MPDZ: variants seen among roughly 807,000 people sequenced by gnomAD.
MPDZ encodes the protein multiple PDZ domain crumbs cell polarity complex component.
A neutral mutation model predicts 239.1 loss-of-function variants in MPDZ; 234 were observed. The observed-to-expected ratio is 0.98, with a 90% CI of 0.88 to 1.09. The LOEUF (loss-of-function observed/expected upper bound fraction) is 1.09. MPDZ is among the 50% of genes least tolerant of loss of function. MPDZ has a pLI of 0.00. For synonymous variants in MPDZ, 1,048 were observed against 881.3 expected (o/e 1.19, Z -3.35); for missense variants, 3,175 against 2,510.0 (o/e 1.26, Z -5.66).
At chr9:13,273,281 T>C (rs1184508725) in intron 1 of MPDZ, among the ~76,000 whole-genome samples, 1 of 152,194 alleles carries the variant, frequency 6.6e-6, no homozygotes, top group Non-Finnish European at 1.5e-5. Context: ...GGACATATCT[T>C]AAATATATCG....
intron 3 of MPDZ, among the ~76,000 whole-genome samples, chr9:13,239,048 C>T (rs1014923139): frequency 1.3e-5 from 2 of 152,110 alleles, no homozygotes; most frequent in Non-Finnish European, 2.9e-5. Flanking sequence ...TTTATGACTA[C>T]AAACTGATCA....
Position 13,221,487 on chromosome 9 carries a change from T to C in MPDZ, c.761A>G (p.His254Arg), listed in dbSNP as rs769381142. Reference sequence around the variant, plus strand: ...ATTCACCAATTCAATCGTTTCCATGTGTTGCCAGTGAACCTACAAACAAAG... The same window carrying C: ...ATTCACCAATTCAATCGTTTCCATGCGTTGCCAGTGAACCTACAAACAAAG... ...SAHSNPVHWQ[H>R]METIELVNDG... The change falls in exon 7 of 47, where the codon CAC becomes CGC. Residue 254 changes from histidine (H) to arginine (R), a missense_variant. By Grantham distance (29) the His-to-Arg change is conservative. Transcript: ENST00000319217. The C allele has an allele frequency of 2.5e-6, 4 of 1,610,560 alleles. No individual in the cohort carries two copies. The South Asian group carries it at 4.4e-5, about 18-fold the overall frequency.
chr9:13,267,029 T>C lies in MPDZ; in HGVS notation c.-58+12371A>G, dbSNP rs552580836. ...TCCAAGAGGCAAAACTTTCCAAATATATATTCATCACTGGAATGTCTAAAA... is the reference window on the plus strand; with the variant it reads ...TCCAAGAGGCAAAACTTTCCAAATACATATTCATCACTGGAATGTCTAAAA... On this transcript the variant is annotated intron_variant, in intron 1 of 46. Transcript: ENST00000319217. Among the ~76,000 whole-genome samples, 3 of 152,344 alleles carry C rather than the reference T, an allele frequency of 2.0e-5. No individual in the cohort carries two copies. In the South Asian group the frequency reaches 6.2e-4, roughly 32 times the overall value.
chr9:13,219,270 T>C (rs1280720545), intron 8 of MPDZ, among the ~76,000 whole-genome samples: 3 of 151,988 alleles, frequency 2.0e-5, no homozygotes, highest in East Asian at 1.9e-4. Flanking sequence ...TACCAAATAA[T>C]TTTTAAACTT....
At chr9:13,144,437 G>A (rs993641059) in intron 26 of MPDZ, among the ~76,000 whole-genome samples, 1 of 151,862 alleles carries the variant, frequency 6.6e-6, no homozygotes, top group Non-Finnish European at 1.5e-5. Context: ...AATTTCCTTA[G>A]CACAATAAAT....
intron 3 of MPDZ, among the ~76,000 whole-genome samples, chr9:13,231,391 A>G (rs1225757221): frequency 6.6e-6 from 1 of 151,604 alleles, no homozygotes; most frequent in Non-Finnish European, 1.5e-5. Context: ...CATGGCAAAA[A>G]CCCATCTCTA....
At position 13,136,134 on chromosome 9, in the gene MPDZ, T is replaced by C. The variant is rs61753784; in HGVS notation, c.4341A>G (p.Val1447=). Residue 1447 remains valine, a synonymous_variant, in exon 31 of 47, where the codon GTA becomes GTG. Transcript: ENST00000319217. ...NQMAVCPGNA[V]EPLPSNSENL... ...TTTCTGAGTTAGAAGGCAAAGGTTC[T>C]ACTGCATTTCCAGGACATACGGCCA... 10,070 of 1,613,018 alleles carry C rather than the reference T, an allele frequency of 6.2e-3. 528 individuals carry two copies. In the African/African-American group the frequency reaches 0.11, roughly 18 times the overall value.
intron 18 of MPDZ, among the ~76,000 whole-genome samples, chr9:13,184,181 G>C (rs1953764758): frequency 6.6e-6 from 1 of 151,996 alleles, no homozygotes; most frequent in Non-Finnish European, 1.5e-5. Flanking sequence ...TTATAAACTT[G>C]TAAGAAAACT....
chr9:13,159,543 A>T (rs1251231949), intron 23 of MPDZ, among the ~76,000 whole-genome samples: 1 of 152,182 alleles, frequency 6.6e-6, no homozygotes, highest in Non-Finnish European at 1.5e-5. Flanking sequence ...ACAACAGGAC[A>T]GAGTATGACG....
intron 22 of MPDZ, among the ~76,000 whole-genome samples, chr9:13,163,375 C>T (rs1424477512): frequency 6.6e-6 from 1 of 152,108 alleles, no homozygotes; most frequent in Non-Finnish European, 1.5e-5. Context: ...AAGACTCTTA[C>T]TAATTTGAAG....
chr9:13,220,301 C>T (rs539343429), intron 7 of MPDZ, among the ~76,000 whole-genome samples: 2 of 152,062 alleles, frequency 1.3e-5, no homozygotes, highest in African/African-American at 4.8e-5. Context: ...GAAAAGCAGT[C>T]TTATGAGCCT....
chr9:13,192,945 C>G (rs1955141772), intron 14 of MPDZ, among the ~76,000 whole-genome samples: 1 of 152,066 alleles, frequency 6.6e-6, no homozygotes, highest in Non-Finnish European at 1.5e-5. Flanking sequence ...TTATAGTTTT[C>G]TGAACCTAAA....
At chr9:13,155,133 G>C (rs887155926) in intron 24 of MPDZ, among the ~76,000 whole-genome samples, 2 of 151,918 alleles carry the variant, frequency 1.3e-5, no homozygotes, top group Admixed American at 6.6e-5. Context: ...AGGAGAATTC[G>C]CTCTAACCTG....
chr9:13,109,335 G>A (rs971451539), intron 45 of MPDZ, among the ~76,000 whole-genome samples: 59 of 151,986 alleles, frequency 3.9e-4, no homozygotes, highest in African/African-American at 1.4e-3. Context: ...TGTTCTCATT[G>A]TACAGAGAAG....
chr9:13,256,617 G>GC (rs1057247788), intron 1 of MPDZ, among the ~76,000 whole-genome samples: 4 of 152,144 alleles, frequency 2.6e-5, no homozygotes, highest in African/African-American at 9.7e-5. Flanking sequence ...AATGCGAACG[G>GC]CCCGTTGATG....
intron 1 of MPDZ, among the ~76,000 whole-genome samples, chr9:13,252,524 C>T (rs534893276): frequency 1.4e-5 from 2 of 147,960 alleles, no homozygotes; most frequent in Non-Finnish European, 3.0e-5. Flanking sequence ...CAAGATCGCG[C>T]CACAGCATTC....
chr9:13,187,752 A>G (rs368190105), intron 17 of MPDZ, among the ~76,000 whole-genome samples: 1 of 2,476 alleles, frequency 4.0e-4, no homozygotes, highest in Non-Finnish European at 1.1e-3. Flanking sequence ...ATGTGTTTGC[A>G]TTTTCTTAAG....
intron 12 of MPDZ, among the ~76,000 whole-genome samples, chr9:13,200,867 G>GA (rs1354779320): frequency 6.6e-6 from 1 of 151,786 alleles, no homozygotes; most frequent in Non-Finnish European, 1.5e-5. Context: ...ATATGTTGTT[G>GA]AAAAAAATGT....
intron 12 of MPDZ, among the ~76,000 whole-genome samples, chr9:13,201,721 G>A (rs1956411205): frequency 6.6e-6 from 1 of 151,750 alleles, no homozygotes; most frequent in Non-Finnish European, 1.5e-5. Context: ...ACTTTCTAAT[G>A]AGATTTTGGC....
Sources: allele counts gnomAD v4.1 joint callset (sites outside exome capture counted in the v4.1 genomes callset), GRCh38; gene constraint gnomAD v4.1.1; transcripts MANE v1.5; gene names NCBI Gene and HGNC (gene_info 2026-07-23, HGNC 2026-07-21).